THSD7B: variants seen among roughly 807,000 people sequenced by gnomAD.
THSD7B encodes the protein thrombospondin type-1 domain-containing protein 7B.
A neutral mutation model predicts 213.6 loss-of-function variants in THSD7B; 138 were observed. The ratio of observed to expected loss-of-function variants is 0.65; its 90% CI spans 0.56 to 0.74. THSD7B has a LOEUF of 0.74. THSD7B is among the 30% of genes least tolerant of loss of function. The pLI, the probability that THSD7B is intolerant of heterozygous loss-of-function variation, is 0.00. For missense variants in THSD7B, 1,931 were observed against 1,991.5 expected (o/e 0.97, Z 0.58); for synonymous variants, 742 against 687.0 (o/e 1.08, Z -1.25).
At chr2:137,507,552 T>A (rs1679864476) in intron 15 of THSD7B, among the ~76,000 whole-genome samples, 1 of 152,192 alleles carries the variant, frequency 6.6e-6, no homozygotes, top group Admixed American at 6.5e-5. Flanking sequence ...CCTTTGTGAT[T>A]GTAATAAGGG....
At chr2:136,975,040 G>A (rs1284896436) in intron 2 of THSD7B, among the ~76,000 whole-genome samples, 2 of 118,226 alleles carry the variant, frequency 1.7e-5, no homozygotes, top group Non-Finnish European at 1.7e-5. Context: ...CTTTTTAATG[G>A]TTTGTTTTTT....
intron 11 of THSD7B, among the ~76,000 whole-genome samples, chr2:137,272,916 G>A (rs1682780057): frequency 6.6e-6 from 1 of 151,864 alleles, no homozygotes; most frequent in African/African-American, 2.4e-5. Flanking sequence ...ATGCCACCAT[G>A]GCAGTCCATT....
intron 1 of THSD7B, among the ~76,000 whole-genome samples, chr2:136,873,258 T>C (rs1402842887): frequency 6.6e-6 from 1 of 152,130 alleles, no homozygotes; most frequent in Non-Finnish European, 1.5e-5. Context: ...AATTATAATA[T>C]AGCAAACCAA....
At chr2:137,258,599 C>G (rs1408977945) in intron 10 of THSD7B, among the ~76,000 whole-genome samples, 2 of 151,744 alleles carry the variant, frequency 1.3e-5, no homozygotes, top group Non-Finnish European at 2.9e-5. Flanking sequence ...CCTGCCACCA[C>G]TCGCCCTGCC....
chr2:136,857,754 C>T (rs968438868), intron 1 of THSD7B, among the ~76,000 whole-genome samples: 1 of 152,110 alleles, frequency 6.6e-6, no homozygotes, highest in African/African-American at 2.4e-5. Context: ...CATGACTACT[C>T]CAACAAAATC....
rs1687185681 is a variant in THSD7B, at chr2:137,057,192, T to C, written c.912T>C (p.Val304=). The change falls in exon 3 of 28, where the codon GTT becomes GTC. Residue 304 remains valine (V), a synonymous_variant. Coordinates refer to ENST00000409968, the MANE Select transcript of THSD7B (RefSeq NM_001316349.2). Reference sequence around the variant, plus strand: ...AGATAGGTTATCAAACCCGGCAGGTTTCGTGTACAAGAAGTGATGGACAAA... The same window carrying C: ...AGATAGGTTATCAAACCCGGCAGGTCTCGTGTACAAGAAGTGATGGACAAA... ...AIEIGYQTRQ[V]SCTRSDGQNA... 1 of 1,613,814 alleles carries C rather than the reference T, an allele frequency of 6.2e-7. No homozygotes were observed. The highest frequency in any genetic ancestry group is 8.5e-7 in the Non-Finnish European group (1 of 1,179,786).
intron 7 of THSD7B, among the ~76,000 whole-genome samples, chr2:137,198,327 G>T (rs888216906): frequency 2.6e-5 from 4 of 152,070 alleles, no homozygotes; most frequent in African/African-American, 9.7e-5. Flanking sequence ...TCTTTCAGTG[G>T]TGTAACCTGC....
At chr2:137,308,912 T>G (rs1483467519) in intron 12 of THSD7B, among the ~76,000 whole-genome samples, 2 of 152,160 alleles carry the variant, frequency 1.3e-5, no homozygotes, top group African/African-American at 4.8e-5. Flanking sequence ...CTTCATTTTG[T>G]TGTAACCAGT....
In THSD7B at chr2:137,534,289, T is replaced by C. The variant is rs1680460991; in HGVS notation, c.3139-28932T>C. Among the ~76,000 whole-genome samples the C allele has an allele frequency of 2.6e-5, 4 of 151,764 alleles. No individual in the cohort carries two copies. The South Asian group carries it at 8.3e-4, about 31-fold the overall frequency. Reference sequence around the variant, plus strand: ...GTTCTAACAGTAGTGCATCTATTTTTCAAGTTGTTGCTGGCTATTTAATAG... The same window carrying C: ...GTTCTAACAGTAGTGCATCTATTTTCCAAGTTGTTGCTGGCTATTTAATAG... On this transcript the variant is annotated intron_variant, in intron 15 of 27. Coordinates refer to ENST00000409968, the MANE Select transcript of THSD7B (RefSeq NM_001316349.2).
chr2:137,375,727 T>C (rs1685639301), intron 12 of THSD7B, among the ~76,000 whole-genome samples: 1 of 152,168 alleles, frequency 6.6e-6, no homozygotes, highest in Admixed American at 6.5e-5. Context: ...ATGTAGCAAA[T>C]GCGTGGTCTC....
intron 1 of THSD7B, among the ~76,000 whole-genome samples, chr2:136,828,536 T>C (rs1682697890): frequency 6.6e-6 from 1 of 152,234 alleles, no homozygotes; most frequent in African/African-American, 2.4e-5. Context: ...GGCAATATTA[T>C]TGTTTCAAAA....
intron 12 of THSD7B, among the ~76,000 whole-genome samples, chr2:137,327,826 G>A (rs1684406414): frequency 1.3e-5 from 2 of 152,124 alleles, no homozygotes; most frequent in African/African-American, 4.8e-5. Flanking sequence ...ATTAATTATT[G>A]TAAAGAAAAG....
chr2:137,555,423 A>C (rs1321018570), intron 15 of THSD7B, among the ~76,000 whole-genome samples: 1 of 152,212 alleles, frequency 6.6e-6, no homozygotes, highest in Non-Finnish European at 1.5e-5. Flanking sequence ...GCTGATACCC[A>C]GGCAAACAGG....
At chr2:137,136,372 T>C (rs1679459683) in intron 5 of THSD7B, among the ~76,000 whole-genome samples, 1 of 152,168 alleles carries the variant, frequency 6.6e-6, no homozygotes, top group Non-Finnish European at 1.5e-5. Context: ...AGGAGAAATA[T>C]CCTTCTGTAT....
At chr2:137,606,312 C>A (rs1003363800) in intron 17 of THSD7B, among the ~76,000 whole-genome samples, 3 of 152,082 alleles carry the variant, frequency 2.0e-5, no homozygotes, top group Non-Finnish European at 4.4e-5. Flanking sequence ...GATCGAAGTC[C>A]CATGTGGGGG....
chr2:136,866,496 C>T lies in THSD7B; in HGVS notation c.-35-15648C>T, dbSNP rs146668090. On this transcript the variant is annotated intron_variant, in intron 1 of 27. Transcript: ENST00000409968. ...GGTCCTTTAAAAACTTCCTGAAATT[C>T]ACTCTTAACTCTGAAAAAAGGTGGA... is the stretch of plus-strand genomic sequence containing the variant. Among the ~76,000 whole-genome samples the T allele has an allele frequency of 6.2e-4, 94 of 152,170 alleles. 1 individual carries two copies. In the East Asian group the frequency reaches 0.018, roughly 29 times the overall value.
intron 7 of THSD7B, among the ~76,000 whole-genome samples, chr2:137,173,672 C>T (rs944381160): frequency 5.9e-5 from 9 of 152,258 alleles, no homozygotes; most frequent in East Asian, 5.8e-4. Context: ...TGGCCATGGT[C>T]GTGGTTCTGG....
chr2:136,970,856 T>C (rs1015112676), intron 2 of THSD7B, among the ~76,000 whole-genome samples: 9 of 152,184 alleles, frequency 5.9e-5, no homozygotes, highest in African/African-American at 1.9e-4. Flanking sequence ...AAAGATGGCA[T>C]TGGATTTCTG....
At chr2:137,072,568 C>T (rs1240295574) in intron 3 of THSD7B, among the ~76,000 whole-genome samples, 1 of 152,136 alleles carries the variant, frequency 6.6e-6, no homozygotes, top group Non-Finnish European at 1.5e-5. Context: ...ATTTGACTTC[C>T]TCTTTTCCTA....
Sources: gnomAD v4.1 joint callset for allele counts (sites outside exome capture counted in the v4.1 genomes callset) on GRCh38, gnomAD v4.1.1 for gene constraint, MANE v1.5 for transcripts, NCBI Gene and HGNC (gene_info 2026-07-23, HGNC 2026-07-21) for gene names.